Variants in IP6K1 observed in about 807,000 individuals in gnomAD.
IP6K1 encodes the protein inositol hexakisphosphate kinase 1.
A neutral mutation model predicts 38.3 loss-of-function variants in IP6K1; 13 were observed. The observed-to-expected ratio is 0.34, with a 90% CI of 0.22 to 0.54. The LOEUF (loss-of-function observed/expected upper bound fraction) is 0.54, where lower values mean the gene tolerates loss of function less well. Among genes scored for constraint, IP6K1 ranks in the 20% least tolerant of loss-of-function variants. IP6K1 has a pLI of 0.92. For missense variants in IP6K1, 397 were observed against 599.8 expected (o/e 0.66, Z 3.53); for synonymous variants, 212 against 229.9 (o/e 0.92, Z 0.70).
At chr3:49,771,523 G>C (rs375884519) in intron 1 of IP6K1, among the ~76,000 whole-genome samples, 6 of 152,168 alleles carry the variant, frequency 3.9e-5, no homozygotes, top group African/African-American at 1.2e-4. Context: ...TCACCCAAAT[G>C]GCTAAAATTA....
chr3:49,765,398 T>A (rs1245084184), intron 1 of IP6K1, among the ~76,000 whole-genome samples: 1 of 151,182 alleles, frequency 6.6e-6, no homozygotes, highest in African/African-American at 2.4e-5. Flanking sequence ...TCCCAGCACT[T>A]TGGGAGGCCG....
intron 2 of IP6K1, among the ~76,000 whole-genome samples, chr3:49,745,129 T>C (rs1323229157): frequency 2.0e-5 from 3 of 152,044 alleles, no homozygotes; most frequent in Admixed American, 6.6e-5. Flanking sequence ...GGAGCTTCCA[T>C]ACTAATGTGA....
intron 1 of IP6K1, among the ~76,000 whole-genome samples, chr3:49,781,743 G>A (rs769603267): frequency 6.6e-6 from 1 of 152,094 alleles, no homozygotes; most frequent in Non-Finnish European, 1.5e-5. Flanking sequence ...GCCTGTAGCA[G>A]TTCCTGATTT....
intron 1 of IP6K1, among the ~76,000 whole-genome samples, chr3:49,758,002 AC>A (rs1041288429): frequency 2.0e-5 from 3 of 151,986 alleles, no homozygotes; most frequent in African/African-American, 7.3e-5. Context: ...TTTATTTAGG[AC>A]CCCCTATCAA....
intron 1 of IP6K1, among the ~76,000 whole-genome samples, chr3:49,761,825 A>G (rs950118039): frequency 6.6e-6 from 1 of 151,958 alleles, no homozygotes; most frequent in African/African-American, 2.4e-5. Flanking sequence ...ATGGTGGTAC[A>G]TGCAGTCCCA....
At chr3:49,782,947 T>TA (rs751486214) in intron 1 of IP6K1, among the ~76,000 whole-genome samples, 1,844 of 60,112 alleles carry the variant, frequency 0.031, 23 homozygotes, top group African/African-American at 0.058. Flanking sequence ...CCGGCTCTAC[T>TA]AAAAAAAAAA....
intron 1 of IP6K1, among the ~76,000 whole-genome samples, chr3:49,751,397 T>C (rs1423799108): frequency 6.6e-6 from 1 of 152,060 alleles, no homozygotes; most frequent in Non-Finnish European, 1.5e-5. Flanking sequence ...CTTGACCTCA[T>C]GATCCACCCA....
intron 1 of IP6K1, among the ~76,000 whole-genome samples, chr3:49,762,767 G>A (rs2080877919): frequency 7.5e-6 from 1 of 133,778 alleles, no homozygotes; most frequent in African/African-American, 3.0e-5. Flanking sequence ...TGTTTTACGA[G>A]GTCAATTATT....
chr3:49,724,843 C>T lies in IP6K1; in HGVS notation c.*2279G>A, dbSNP rs995831073. 2 of 152,704 alleles carry T rather than the reference C, an allele frequency of 1.3e-5. No individual in the cohort carries two copies. The highest frequency in any genetic ancestry group is 2.9e-5 in the Non-Finnish European group (2 of 68,116). 9.5% of individuals were successfully genotyped at this position (152,704 alleles called of 1,614,324 possible). A position where few individuals can be genotyped will look rare whatever the true frequency, so the allele number is the denominator to read the frequency against. ...TTTAAGCACCACCCGTCCCACCCCA[C>T]CCTCAGGGGCTGGTGTCAGCTTGGC... On this transcript the variant is annotated 3_prime_UTR_variant, in exon 6 of 6. Coordinates refer to ENST00000321599, the MANE Select transcript of IP6K1 (RefSeq NM_153273.4).
rs540279473 is a variant in IP6K1 at position 49,780,543 on chromosome 3, A to G, written c.-129+5811T>C. Among the ~76,000 whole-genome samples, 11 of 152,244 alleles carry G rather than the reference A, an allele frequency of 7.2e-5. No individual in the cohort carries two copies. In the South Asian group the frequency reaches 1.7e-3, roughly 23 times the overall value. ...AGCTCTGCCCATCACTGTTCCTTATAGCGTCAGGGCTGCACTGGGAGGAGG... is the reference window on the plus strand; with the variant it reads ...AGCTCTGCCCATCACTGTTCCTTATGGCGTCAGGGCTGCACTGGGAGGAGG... On this transcript the variant is annotated intron_variant, in intron 1 of 5. Coordinates refer to ENST00000321599, the MANE Select transcript of IP6K1 (RefSeq NM_153273.4).
chr3:49,736,131 G>C (rs2080609228), intron 3 of IP6K1, among the ~76,000 whole-genome samples: 2 of 152,132 alleles, frequency 1.3e-5, no homozygotes, highest in Admixed American at 6.5e-5. Context: ...GGTCAGGCTG[G>C]TCTCGAACTC....
At chr3:49,742,668 G>A (rs2080680289) in intron 2 of IP6K1, among the ~76,000 whole-genome samples, 1 of 152,186 alleles carries the variant, frequency 6.6e-6, no homozygotes, top group Non-Finnish European at 1.5e-5. Context: ...GGAGGCCAAG[G>A]CAGGCAGATC....
At chr3:49,767,754 GATTA>G (rs759979431) in intron 1 of IP6K1, among the ~76,000 whole-genome samples, 20 of 151,926 alleles carry the variant, frequency 1.3e-4, no homozygotes, top group Non-Finnish European at 2.1e-4. Flanking sequence ...CTAAAAAACC[GATTA>G]ATTAATTTAA....
chr3:49,736,522 T>C (rs1012700602), intron 3 of IP6K1, among the ~76,000 whole-genome samples: 1 of 152,142 alleles, frequency 6.6e-6, no homozygotes, highest in African/African-American at 2.4e-5. Context: ...GTTTTCATGA[T>C]TCATCCATGT....
At chr3:49,728,956 A>ATTT (rs11433643) in intron 4 of IP6K1, among the ~76,000 whole-genome samples, 1 of 143,360 alleles carries the variant, frequency 7.0e-6, no homozygotes. Context: ...GGCATGCCTA[A>ATTT]TTTTTTTTTT....
chr3:49,767,319 C>T (rs897709641), intron 1 of IP6K1, among the ~76,000 whole-genome samples: 6 of 152,028 alleles, frequency 3.9e-5, no homozygotes, highest in Non-Finnish European at 8.8e-5. Flanking sequence ...TGGCTCACGC[C>T]TGTAATCCCA....
chr3:49,754,263 C>T (rs2080803231), intron 1 of IP6K1, among the ~76,000 whole-genome samples: 1 of 151,946 alleles, frequency 6.6e-6, no homozygotes, highest in Admixed American at 6.6e-5. Context: ...ATAGTCCCAG[C>T]TACTCAGGAG....
chr3:49,764,868 C>G (rs1310274549), intron 1 of IP6K1, among the ~76,000 whole-genome samples: 1 of 148,874 alleles, frequency 6.7e-6, no homozygotes, highest in Admixed American at 6.7e-5. Context: ...CAGAGTGAAA[C>G]TCTGTCTTGA....
chr3:49,777,642 T>C (rs2108263402), intron 1 of IP6K1, among the ~76,000 whole-genome samples: 1 of 151,536 alleles, frequency 6.6e-6, no homozygotes, highest in Non-Finnish European at 1.5e-5. Flanking sequence ...GGGCCAGGCG[T>C]GGTGGCTCAC....
Sources: allele counts gnomAD v4.1 joint callset (sites outside exome capture counted in the v4.1 genomes callset), GRCh38; gene constraint gnomAD v4.1.1; transcripts MANE v1.5; gene names NCBI Gene and HGNC (gene_info 2026-07-23, HGNC 2026-07-21).